NBPF14: variants seen among roughly 807,000 people sequenced by gnomAD.
NBPF14 encodes the protein NBPF family member NBPF14.
NBPF14 carries 104 observed loss-of-function variants against 91.2 expected under a neutral mutation model. The ratio of observed to expected loss-of-function variants is 1.14; its 90% CI spans 0.97 to 1.34. The LOEUF (loss-of-function observed/expected upper bound fraction) is 1.34, where lower values mean the gene tolerates loss of function less well. NBPF14 is among the 40% of genes most tolerant of loss of function. The pLI, the probability that NBPF14 is intolerant of heterozygous loss-of-function variation, is 0.00. For missense variants in NBPF14, 908 were observed against 783.0 expected (o/e 1.16, Z -1.91); for synonymous variants, 294 against 303.8 (o/e 0.97, Z 0.34).
At chr1:148,587,215 T>G in intron 8 of NBPF14, 86 bp downstream of exon 8, 1 of 1,192,308 alleles carries the variant, frequency 8.4e-7, no homozygotes, top group East Asian at 2.3e-5. Flanking sequence ...CTGGCCCAGC[T>G]GAGCTCTTAC....
intron 2 of NBPF14, among the ~76,000 whole-genome samples, chr1:148,594,360 TGAA>T (rs2149589238): frequency 7.3e-6 from 1 of 137,794 alleles, no homozygotes; most frequent in East Asian, 1.9e-4. Flanking sequence ...AACATCAGAA[TGAA>T]GAACTAATAG....
At chr1:148,593,185 G>A (rs1366166622) in intron 3 of NBPF14, among the ~76,000 whole-genome samples, 7,448 of 146,662 alleles carry the variant, frequency 0.051, 626 homozygotes, top group East Asian at 0.073. Flanking sequence ...GATGAAAGAA[G>A]AAAAGAAGGA....
intron 28 of NBPF14, among the ~76,000 whole-genome samples, chr1:148,566,529 ACACACACACACAAAC>A: frequency 7.8e-6 from 1 of 128,894 alleles, no homozygotes; most frequent in Non-Finnish European, 1.8e-5. Context: ...ACACACACAC[ACACACACACACAAAC>A]ACACACACAC....
At chr1:148,532,036 GACA>G (rs1558342972) in exon 71 of NBPF14, 6 of 150,266 alleles carry the variant, frequency 4.0e-5, no homozygotes, top group Non-Finnish European at 4.5e-5. Context: ...CACCATCCAT[GACA>G]ACAACAAAAA....
At chr1:148,578,125 G>A (rs1364729295) in intron 13 of NBPF14, 91 bp from the exon 14 acceptor site, 9 of 720,890 alleles carry the variant, frequency 1.2e-5, no homozygotes, top group East Asian at 2.5e-5. Context: ...AGGGACATCA[G>A]TCTTGTCAGT....
chr1:148,533,769 A>G, intron 70 of NBPF14, 92 bp downstream of exon 70: 1 of 762,666 alleles, frequency 1.3e-6, no homozygotes. Flanking sequence ...GCCTTTGTTG[A>G]AAATATGACA....
chr1:148,592,706 T>A, exon 4 of NBPF14: 1 of 1,587,344 alleles, frequency 6.3e-7, no homozygotes, highest in East Asian at 2.2e-5. Flanking sequence ...TCCCTTCCCG[T>A]AACTTCTCCC....
chr1:148,590,258 C>T (rs1256204816), intron 6 of NBPF14, among the ~76,000 whole-genome samples: 1 of 140,124 alleles, frequency 7.1e-6, no homozygotes, highest in African/African-American at 2.6e-5. Context: ...GGGGTTTCAC[C>T]GTGTTAGCCA....
rs1571036297 is a variant in NBPF14 at position 148,587,144 on chromosome 1, CCTT to C, written c.1091+154_1091+156del. Among the ~76,000 whole-genome samples the C allele has an allele frequency of 2.0e-5, 3 of 148,778 alleles. No homozygotes were observed. The East Asian group carries it at 5.8e-4, about 29-fold the overall frequency. ...ACTGCAACCCATACATTTTTACTAT[CCTT>C]CTTCTCTGATAAATATTTGTGTGTA... On this transcript the variant is annotated intron_variant, in intron 8 of 70. Coordinates refer to ENST00000619423, the Ensembl canonical transcript of NBPF14.
At chr1:148,566,542 A>ACAC (rs1658408822) in intron 28 of NBPF14, among the ~76,000 whole-genome samples, 5 of 90,998 alleles carry the variant, frequency 5.5e-5, no homozygotes, top group Admixed American at 2.0e-4. Flanking sequence ...CACACACACA[A>ACAC]ACACACACAC....
At chr1:148,580,960 A>G (rs1348921409) in intron 12 of NBPF14, among the ~76,000 whole-genome samples, 1 of 97,030 alleles carries the variant, frequency 1.0e-5, no homozygotes, top group African/African-American at 4.4e-5. Flanking sequence ...TCACCCATTA[A>G]CTCATCATTT....
Position 148,539,294 on chromosome 1 carries a change from G to C in NBPF14, c.7882+116C>G, listed in dbSNP as rs1204782162. ...TCTTTACAACCTATATGCGCCCATAGGTCCTGACTGCGGCAATGACGTCTC... is the reference window on the plus strand; with the variant it reads ...TCTTTACAACCTATATGCGCCCATACGTCCTGACTGCGGCAATGACGTCTC... On this transcript the variant is annotated intron_variant, in intron 63 of 70. Coordinates refer to ENST00000619423, the Ensembl canonical transcript of NBPF14. The C allele has an allele frequency of 6.0e-5, 38 of 636,734 alleles. 5 individuals are homozygous for C. In the Admixed American group the frequency reaches 7.7e-4, roughly 13 times the overall value. The allele number at this position is 636,734 out of a possible 1,614,324, so 39.4% of individuals were successfully genotyped here.
intron 6 of NBPF14, among the ~76,000 whole-genome samples, chr1:148,589,916 G>C (rs1190250382): frequency 1.4e-5 from 2 of 148,114 alleles, no homozygotes; most frequent in African/African-American, 4.9e-5. Flanking sequence ...ATTCTTAGTA[G>C]AGATGGGGTT....
At chr1:148,533,805 T>C (rs1553331794) in intron 70 of NBPF14, 56 bp downstream of exon 70, 2 of 766,520 alleles carry the variant, frequency 2.6e-6, no homozygotes, top group African/African-American at 3.4e-5. Context: ...TTTCCCTGAA[T>C]CTGTTGCCTC....
intron 59 of NBPF14, among the ~76,000 whole-genome samples, chr1:148,542,141 T>A (rs1209340960): frequency 9.5e-6 from 1 of 105,190 alleles, no homozygotes. Flanking sequence ...TACCCTCAAA[T>A]GATTTCTAGG....
chr1:148,593,549 A>T (rs1488232921), intron 3 of NBPF14, 49 bp downstream of exon 3: 28 of 1,422,822 alleles, frequency 2.0e-5, no homozygotes, highest in Non-Finnish European at 2.5e-5. Flanking sequence ...GCTGTACTTC[A>T]GAGATCTACA....
At chr1:148,534,590 T>A in intron 69 of NBPF14, 94 bp downstream of exon 69, 2 of 855,494 alleles carry the variant, frequency 2.3e-6, no homozygotes, top group Non-Finnish European at 2.0e-6. Context: ...GGCAATGACA[T>A]CTCTCGGGTG....
At chr1:148,561,775 AG>A (rs1657779587) in intron 34 of NBPF14, among the ~76,000 whole-genome samples, 196 bp from the exon 35 acceptor site, 3 of 81,642 alleles carry the variant, frequency 3.7e-5, no homozygotes, top group Admixed American at 1.0e-4. Flanking sequence ...AAAGACAGAT[AG>A]ACACACACAC....
rs1263313961 is a variant in NBPF14, at chr1:148,595,559, G to A, written c.159C>T (p.Asn53=). The change falls in exon 2 of 71, where the codon AAC becomes AAT. Residue 53 remains asparagine, a synonymous_variant. Coordinates refer to ENST00000619423, the Ensembl canonical transcript of NBPF14. ...AGATCTTACTGTATTTCTTCTGTTG[G>A]TTGGCCAGGAAGCCGGCCAGTTGAG... 71 of 1,583,540 alleles carry A rather than the reference G, an allele frequency of 4.5e-5. 1 individual carries two copies. In the East Asian group the frequency reaches 7.6e-4, roughly 17 times the overall value.
Sources: gnomAD v4.1 joint callset for allele counts (sites outside exome capture counted in the v4.1 genomes callset) on GRCh38, gnomAD v4.1.1 for gene constraint, MANE v1.5 for transcripts, NCBI Gene and HGNC (gene_info 2026-07-23, HGNC 2026-07-21) for gene names.